FHIT: variants seen among roughly 807,000 people sequenced by gnomAD.
The protein encoded by FHIT is bis(5'-adenosyl)-triphosphatase.
In FHIT, 19 loss-of-function variants were observed where a neutral mutation model predicts 17.9. The ratio of observed to expected loss-of-function variants is 1.06; its 90% confidence interval spans 0.74 to 1.56. The LOEUF (loss-of-function observed/expected upper bound fraction) is 1.56. Among genes scored for constraint, FHIT ranks in the 40% most tolerant of loss-of-function variants. The probability of loss-of-function intolerance (pLI) is 0.00; values close to 1 mark genes in which losing one functional copy is unlikely to be tolerated. For missense variants in FHIT, 248 were observed against 189.2 expected, an observed-to-expected ratio of 1.31 and a Z score of -1.82; for synonymous variants, 81 against 69.7, an observed-to-expected ratio of 1.16 and a Z score of -0.81.
chr3:60,312,529 C>T (rs927087151), intron 5 of FHIT, among the ~76,000 whole-genome samples: 4 of 152,112 alleles, frequency 2.6e-5, no homozygotes, highest in African/African-American at 9.7e-5. Flanking sequence ...GTCATTCTAC[C>T]AGGAAAGTGT....
chr3:60,642,963 C>A (rs1041928628), intron 4 of FHIT, among the ~76,000 whole-genome samples: 1 of 152,204 alleles, frequency 6.6e-6, no homozygotes, highest in Non-Finnish European at 1.5e-5. Context: ...GCATCTGGAA[C>A]TTTTCCTTCA....
chr3:60,448,933 C>A (rs960019349), intron 5 of FHIT, among the ~76,000 whole-genome samples: 2 of 152,092 alleles, frequency 1.3e-5, no homozygotes, highest in African/African-American at 4.8e-5. Context: ...GGCTAAGAAG[C>A]CTTCATTCCA....
intron 4 of FHIT, among the ~76,000 whole-genome samples, chr3:60,627,761 A>T (rs1378809748): frequency 2.6e-5 from 4 of 152,150 alleles, no homozygotes; most frequent in Admixed American, 1.3e-4. Context: ...TGACCACGTG[A>T]TCCGCCCACC....
chr3:59,812,294 A>T (rs181386225), intron 8 of FHIT, among the ~76,000 whole-genome samples: 1 of 152,270 alleles, frequency 6.6e-6, no homozygotes, highest in Non-Finnish European at 1.5e-5. Context: ...AGGAAGAGTT[A>T]AATGTTAGCT....
intron 3 of FHIT, among the ~76,000 whole-genome samples, chr3:60,868,292 C>G (rs782052205): frequency 6.6e-6 from 1 of 152,080 alleles, no homozygotes; most frequent in Non-Finnish European, 1.5e-5. Context: ...TCCTGTGAAA[C>G]CCTAGTCTAC....
At chr3:60,271,881 T>C (rs1193662389) in intron 5 of FHIT, among the ~76,000 whole-genome samples, 3 of 152,224 alleles carry the variant, frequency 2.0e-5, no homozygotes, top group Non-Finnish European at 2.9e-5. Flanking sequence ...CTGACCATAA[T>C]TGTTAACATT....
chr3:60,507,786 G>T (rs999586881), intron 5 of FHIT, among the ~76,000 whole-genome samples: 1 of 152,050 alleles, frequency 6.6e-6, no homozygotes. Flanking sequence ...TTGCTTTCCT[G>T]TTCCTGCATT....
At chr3:61,122,926 A>G (rs1267401138) in intron 2 of FHIT, among the ~76,000 whole-genome samples, 1 of 152,224 alleles carries the variant, frequency 6.6e-6, no homozygotes, top group Non-Finnish European at 1.5e-5. Flanking sequence ...TAGTTCAACC[A>G]TTGTGGAAGA....
chr3:59,921,295 G>GAC (rs1165748721), intron 8 of FHIT, among the ~76,000 whole-genome samples: 4 of 152,118 alleles, frequency 2.6e-5, no homozygotes, highest in Non-Finnish European at 5.9e-5. Context: ...AAGCCCTATA[G>GAC]ACACACACAC....
At chr3:60,049,257 A>G (rs561457042) in intron 5 of FHIT, among the ~76,000 whole-genome samples, 2 of 152,236 alleles carry the variant, frequency 1.3e-5, no homozygotes, top group Non-Finnish European at 2.9e-5. Context: ...GAAAACCACC[A>G]GAATATGTAT....
chr3:59,990,462 G>A (rs886760850), intron 7 of FHIT, among the ~76,000 whole-genome samples: 4 of 152,028 alleles, frequency 2.6e-5, no homozygotes, highest in African/African-American at 4.8e-5. Flanking sequence ...AATTAAGCAA[G>A]CAGTTGGCAT....
rs150030712 is a variant in FHIT, at chr3:60,701,427, C to G, written c.-18+120492G>C. Among the ~76,000 whole-genome samples, 931 of 152,182 alleles carry G rather than the reference C, an allele frequency of 6.1e-3. 9 individuals carry two copies. The highest frequency in any genetic ancestry group is 0.02 in the African/African-American group (822 of 41,512). ...TATTATTACTCAAATCAGTCTCCCC[C>G]CCAAACTCAGGGATCCAAACTTTTA... On this transcript the variant is annotated intron_variant, in intron 4 of 9. Transcript: ENST00000492590.
At chr3:60,061,450 T>G (rs1702291600) in intron 5 of FHIT, among the ~76,000 whole-genome samples, 1 of 152,126 alleles carries the variant, frequency 6.6e-6, no homozygotes, top group Non-Finnish European at 1.5e-5. Flanking sequence ...CTTTCCTTTT[T>G]TATGCTCTTT....
At chr3:60,677,705 C>T (rs1190270367) in intron 4 of FHIT, among the ~76,000 whole-genome samples, 2 of 151,804 alleles carry the variant, frequency 1.3e-5, no homozygotes, top group African/African-American at 4.8e-5. Context: ...TTTATTTAAT[C>T]ATCTTGATTT....
intron 5 of FHIT, among the ~76,000 whole-genome samples, chr3:60,167,746 A>G (rs1234288772): frequency 6.6e-6 from 1 of 152,210 alleles, no homozygotes; most frequent in Admixed American, 6.5e-5. Flanking sequence ...AAAAAATTAA[A>G]ATTTGTGGCA....
At chr3:60,080,087 G>A (rs370358344) in intron 5 of FHIT, among the ~76,000 whole-genome samples, 71 of 151,844 alleles carry the variant, frequency 4.7e-4, no homozygotes, top group African/African-American at 1.5e-3. Context: ...TTCTATTTCC[G>A]TGTAATGTCC....
intron 3 of FHIT, among the ~76,000 whole-genome samples, chr3:61,034,179 G>A (rs2033136046): frequency 6.6e-6 from 1 of 151,854 alleles, no homozygotes; most frequent in African/African-American, 2.4e-5. Flanking sequence ...AAAGCATAGG[G>A]GTAAAATCAT....
intron 5 of FHIT, among the ~76,000 whole-genome samples, chr3:60,444,913 T>C (rs1272496370): frequency 1.3e-5 from 2 of 152,088 alleles, no homozygotes; most frequent in Non-Finnish European, 2.9e-5. Flanking sequence ...ACTTTGTTTT[T>C]GCCATCTAAT....
At chr3:61,066,776 A>G (rs1338383134) in intron 2 of FHIT, among the ~76,000 whole-genome samples, 1 of 152,212 alleles carries the variant, frequency 6.6e-6, no homozygotes, top group African/African-American at 2.4e-5. Flanking sequence ...ACAAGGACCA[A>G]GGGCATAGGT....
Sources: allele counts gnomAD v4.1 joint callset (sites outside exome capture counted in the v4.1 genomes callset), GRCh38; gene constraint gnomAD v4.1.1; transcripts MANE v1.5; gene names NCBI Gene and HGNC (gene_info 2026-07-23, HGNC 2026-07-21).